The following MAP4K4 variants were observed in gnomAD, a reference collection of about 807,000 sequenced individuals.
MAP4K4 encodes the protein mitogen-activated protein kinase kinase kinase kinase 4, also known as HPK/GCK-like kinase HGK.
MAP4K4 carries 38 observed loss-of-function variants against 189.6 expected under a neutral mutation model. That is an observed-to-expected ratio of 0.20 (90% CI 0.15 to 0.26). MAP4K4 has a LOEUF of 0.26. MAP4K4 is among the 10% of genes least tolerant of loss of function. The pLI is 1.00. For missense variants in MAP4K4, 1,054 were observed against 1,726.9 expected (o/e 0.61, Z 6.91); for synonymous variants, 610 against 624.3 (o/e 0.98, Z 0.34).
At chr2:101,772,083 A>G (rs1472462289) in intron 2 of MAP4K4, among the ~76,000 whole-genome samples, 3 of 152,224 alleles carry the variant, frequency 2.0e-5, no homozygotes, top group Non-Finnish European at 4.4e-5. Context: ...CCAGGGTTCA[A>G]AAGTCTGTTG....
At chr2:101,835,006 T>C (rs979075563) in intron 8 of MAP4K4, among the ~76,000 whole-genome samples, 3 of 152,226 alleles carry the variant, frequency 2.0e-5, no homozygotes, top group Admixed American at 6.5e-5. Flanking sequence ...CATTTTCTGC[T>C]GGTCCCCATT....
At position 101,831,702 on chromosome 2, in the gene MAP4K4, CT is replaced by C. The variant is rs149086802; in HGVS notation, c.509-14del. 0.047 allele frequency: 74,077 copies of C among 1,580,128 alleles called. 1,960 individuals are homozygous for C. Among genetic ancestry groups the C allele is most frequent in the African/African-American group, 0.097 (7,205 of 74,436 alleles). On this transcript the variant is annotated intron_variant, in intron 6 of 32. Transcript: ENST00000324219. ...GTTGTGTTTATCTTTCTTTATCTGC[CT>C]TTTTCTTCCTCCCACAGTTGACTTT...
chr2:101,793,291 A>G (rs1352270608), intron 3 of MAP4K4, among the ~76,000 whole-genome samples: 2 of 152,212 alleles, frequency 1.3e-5, no homozygotes, highest in African/African-American at 4.8e-5. Flanking sequence ...GACCTTTGCT[A>G]TAGCATGGGG....
exon 1 of MAP4K4, chr2:101,698,005 G>A: frequency 3.8e-6 from 4 of 1,042,070 alleles, no homozygotes; most frequent in Non-Finnish European, 5.1e-6. Flanking sequence ...GCGGTCGGCG[G>A]CCTGGTCTGC....
chr2:101,768,145 G>A (rs1042835005), intron 2 of MAP4K4, among the ~76,000 whole-genome samples: 2 of 152,068 alleles, frequency 1.3e-5, no homozygotes, highest in African/African-American at 2.4e-5. Context: ...GTATCATAAC[G>A]TTAGTAATAT....
chr2:101,813,830 A>G (rs1206357092), intron 3 of MAP4K4, among the ~76,000 whole-genome samples: 1 of 152,228 alleles, frequency 6.6e-6, no homozygotes, highest in Non-Finnish European at 1.5e-5. Context: ...AGTAACTAGT[A>G]TAATGCAGAT....
rs112873507 is a variant in MAP4K4 at position 101,827,694 on chromosome 2, T to A, written c.418-1810T>A. Among the ~76,000 whole-genome samples, 267 of 152,312 alleles carry A rather than the reference T, an allele frequency of 1.8e-3. 2 individuals are homozygous for A. Among genetic ancestry groups the A allele is most frequent in the African/African-American group, 6.1e-3 (254 of 41,566 alleles). ...ACTGTTACCCTGTGGACCACAAGGC[T>A]TAGCAGCAGGCCAGCGTGTTCTTTT... On this transcript the variant is annotated intron_variant, in intron 5 of 32. Coordinates refer to ENST00000324219, the Ensembl canonical transcript of MAP4K4.
intron 30 of MAP4K4, 136 bp downstream of exon 30, chr2:101,887,373 C>G (rs1015926461): frequency 9.5e-6 from 8 of 841,652 alleles, no homozygotes; most frequent in Non-Finnish European, 1.1e-5. Context: ...TTAAATGATA[C>G]GCAATTTTCA....
At chr2:101,835,814 C>A in intron 8 of MAP4K4, 86 bp from the exon 9 acceptor site, 1 of 873,006 alleles carries the variant, frequency 1.1e-6, no homozygotes, top group Non-Finnish European at 1.9e-6. Context: ...TGGGCCAGAG[C>A]ATTTCATGTT....
intron 2 of MAP4K4, among the ~76,000 whole-genome samples, chr2:101,718,356 G>A (rs1366739066): frequency 3.9e-5 from 6 of 152,128 alleles, no homozygotes; most frequent in African/African-American, 1.4e-4. Flanking sequence ...TGCATGGAGA[G>A]GTTAAGTAAC....
intron 2 of MAP4K4, among the ~76,000 whole-genome samples, chr2:101,744,439 G>A (rs928766070): frequency 6.6e-6 from 1 of 152,212 alleles, no homozygotes; most frequent in Admixed American, 6.5e-5. Flanking sequence ...AAGTCCGACA[G>A]AGCAGATTAA....
intron 12 of MAP4K4, among the ~76,000 whole-genome samples, chr2:101,854,202 T>G (rs558199802): frequency 1.3e-5 from 2 of 152,182 alleles, no homozygotes; most frequent in Non-Finnish European, 2.9e-5. Context: ...AGGAGTGTTA[T>G]GGTAGTGCAA....
chr2:101,783,632 C>T (rs182678410), intron 2 of MAP4K4, among the ~76,000 whole-genome samples: 38 of 152,238 alleles, frequency 2.5e-4, no homozygotes, highest in South Asian at 1.5e-3. Context: ...AATAGAAAAA[C>T]GCAACATACT....
At chr2:101,839,621 A>T (rs983870213) in intron 9 of MAP4K4, among the ~76,000 whole-genome samples, 198 bp from the exon 10 acceptor site, 1 of 152,202 alleles carries the variant, frequency 6.6e-6, no homozygotes, top group Non-Finnish European at 1.5e-5. Context: ...TGCACCACTT[A>T]AACTGTGCTA....
intron 2 of MAP4K4, among the ~76,000 whole-genome samples, chr2:101,734,381 G>A (rs1049537905): frequency 3.3e-5 from 5 of 152,118 alleles, no homozygotes; most frequent in African/African-American, 1.2e-4. Context: ...ATAAATCCAA[G>A]GCACATAATT....
At chr2:101,708,779 C>G (rs768767391) in intron 2 of MAP4K4, among the ~76,000 whole-genome samples, 1 of 152,202 alleles carries the variant, frequency 6.6e-6, no homozygotes, top group Non-Finnish European at 1.5e-5. Context: ...AATCCCTGTT[C>G]CAACCCAGAG....
intron 2 of MAP4K4, among the ~76,000 whole-genome samples, chr2:101,708,782 A>G (rs1004616769): frequency 1.3e-5 from 2 of 152,278 alleles, no homozygotes; most frequent in Non-Finnish European, 2.9e-5. Context: ...CCCTGTTCCA[A>G]CCCAGAGCCC....
In MAP4K4 at chr2:101,885,167, TTTTA is replaced by T; in HGVS notation, c.3521-16_3521-13del. 6.8e-7 allele frequency: 1 copy of T among 1,473,076 alleles called. No homozygotes were observed. The highest frequency in any genetic ancestry group is 9.4e-7 in the Non-Finnish European group (1 of 1,065,522). The allele number at this position is 1,473,076 out of a possible 1,614,324, so 91.3% of individuals were successfully genotyped here. A position where few individuals can be genotyped will look rare whatever the true frequency, so the allele number is the denominator to read the frequency against. On this transcript the variant is annotated splice_polypyrimidine_tract_variant and intron_variant, in intron 28 of 32. Transcript: ENST00000324219. ...ATACTGACCTGTGCTTCTCTTGCTT[TTTTA>T]TTTGCTGCTTTTCAGTAAAATATGA...
intron 18 of MAP4K4, 81 bp downstream of exon 18, chr2:101,865,117 C>G: frequency 3.5e-6 from 3 of 863,358 alleles, no homozygotes; most frequent in South Asian, 1.7e-5. Flanking sequence ...TAAAAATGCT[C>G]TTAAACACAG....
Sources: allele counts gnomAD v4.1 joint callset (sites outside exome capture counted in the v4.1 genomes callset), GRCh38; gene constraint gnomAD v4.1.1; transcripts MANE v1.5; gene names NCBI Gene and HGNC (gene_info 2026-07-23, HGNC 2026-07-21).